Variants in CLPX observed in about 807,000 individuals in gnomAD.
The protein encoded by CLPX is caseinolytic mitochondrial matrix peptidase chaperone subunit X, also known as ATP-dependent clpX-like chaperone, mitochondrial.
In CLPX, 34 loss-of-function variants were observed where a neutral mutation model predicts 76.4. The observed-to-expected ratio is 0.45, with a 90% CI of 0.34 to 0.59. The LOEUF (loss-of-function observed/expected upper bound fraction) is 0.59, where lower values mean the gene tolerates loss of function less well. CLPX is among the 20% of genes least tolerant of loss of function. The pLI is 0.01. For missense variants in CLPX, 613 were observed against 757.0 expected (o/e 0.81, Z 2.23); for synonymous variants, 248 against 270.9 (o/e 0.92, Z 0.83).
chr15:65,151,040 A>G (rs2087712480), intron 13 of CLPX, 127 bp from the exon 14 acceptor site: 2 of 616,586 alleles, frequency 3.2e-6, no homozygotes, highest in Non-Finnish European at 5.6e-6. Context: ...TATTAGGAGC[A>G]CTTTTAATAT....
Position 65,185,187 on chromosome 15 carries a change from G to C in CLPX, c.-34C>G, listed in dbSNP as rs1019959610. On this transcript the variant is annotated 5_prime_UTR_variant, in exon 1 of 14. Transcript: ENST00000300107. ...GGCCTAGGCCGGGGCTTCGCCCCCT[G>C]AGGACCTCCGGGTCACAGCGGCGTG... 2.6e-6 allele frequency: 4 copies of C among 1,526,488 alleles called. No homozygotes were observed. In the African/African-American group the frequency reaches 4.1e-5, roughly 16 times the overall value. 94.6% of individuals were successfully genotyped at this position (1,526,488 alleles called of 1,614,324 possible).
At chr15:65,180,544 ATAT>A (rs2088152524) in intron 1 of CLPX, among the ~76,000 whole-genome samples, 2 of 151,234 alleles carry the variant, frequency 1.3e-5, no homozygotes, top group South Asian at 4.2e-4. Flanking sequence ...TTTATGCCCT[ATAT>A]TCTTATTATT....
chr15:65,162,309 A>G (rs964302823), intron 6 of CLPX, among the ~76,000 whole-genome samples: 4 of 152,208 alleles, frequency 2.6e-5, no homozygotes, highest in South Asian at 2.1e-4. Flanking sequence ...GTAGCTAGAA[A>G]ATAATCTGCC....
chr15:65,160,623 T>TCTCTCACACACACACACA (rs1219208926), intron 6 of CLPX, among the ~76,000 whole-genome samples: 6 of 101,026 alleles, frequency 5.9e-5, no homozygotes, highest in African/African-American at 1.5e-4. Flanking sequence ...TCTCTCTCTC[T>TCTCTCACACACACACACA]CACACACACA....
intron 6 of CLPX, among the ~76,000 whole-genome samples, chr15:65,160,623 T>TCTCTCACACACATACACA (rs1219208926): frequency 2.0e-5 from 2 of 100,970 alleles, no homozygotes; most frequent in African/African-American, 3.8e-5. Flanking sequence ...TCTCTCTCTC[T>TCTCTCACACACATACACA]CACACACACA....
At chr15:65,165,839 C>A (rs962427332) in intron 4 of CLPX, among the ~76,000 whole-genome samples, 1 of 152,132 alleles carries the variant, frequency 6.6e-6, no homozygotes, top group Admixed American at 6.5e-5. Flanking sequence ...TTATTCCTTA[C>A]AAATTATACC....
At chr15:65,171,330 C>T (rs2088003128) in intron 3 of CLPX, among the ~76,000 whole-genome samples, 1 of 151,720 alleles carries the variant, frequency 6.6e-6, no homozygotes, top group South Asian at 2.1e-4. Context: ...GCCTGTAATC[C>T]TAGCAACTGG....
rs2087697889 is a variant in CLPX at position 65,149,852 on chromosome 15, C to G, written c.*971G>C. ...TTCAGCTTGGGACAGCGTGAGACTC[C>G]GCTCAATTAAAAAAAAAAAAAAAAA... On this transcript the variant is annotated 3_prime_UTR_variant, in exon 14 of 14. Coordinates refer to ENST00000300107, the MANE Select transcript of CLPX (RefSeq NM_006660.5). 8.3e-6 allele frequency: 1 copy of G among 120,564 alleles called. No individual in the cohort carries two copies. Among genetic ancestry groups the G allele is most frequent in the Non-Finnish European group, 1.7e-5 (1 of 57,728 alleles). The allele number at this position is 120,564 out of a possible 1,614,324, so 7.5% of individuals were successfully genotyped here.
At chr15:65,161,551 A>G (rs1295856268) in intron 6 of CLPX, among the ~76,000 whole-genome samples, 3 of 152,230 alleles carry the variant, frequency 2.0e-5, no homozygotes, top group African/African-American at 4.8e-5. Flanking sequence ...TAACATTTAA[A>G]TAACATTAAA....
At chr15:65,159,004 G>A (rs1250945970) in intron 6 of CLPX, among the ~76,000 whole-genome samples, 4 of 152,088 alleles carry the variant, frequency 2.6e-5, no homozygotes, top group African/African-American at 7.2e-5. Context: ...AAATATGTAA[G>A]AATACTCCTT....
intron 1 of CLPX, 35 bp downstream of exon 1, chr15:65,185,040 A>G: frequency 4.2e-6 from 5 of 1,204,340 alleles, no homozygotes; most frequent in Non-Finnish European, 5.8e-6. Flanking sequence ...CCCCCCCGAC[A>G]GGCTGAGGGC....
chr15:65,184,679 C>T (rs1430828312), intron 1 of CLPX, among the ~76,000 whole-genome samples: 1 of 152,234 alleles, frequency 6.6e-6, no homozygotes, highest in Non-Finnish European at 1.5e-5. Context: ...GAGGGGGATC[C>T]CGGCCAGGCT....
At chr15:65,166,489 AT>A in intron 4 of CLPX, 141 bp downstream of exon 4, 1 of 857,242 alleles carries the variant, frequency 1.2e-6, no homozygotes. Context: ...GGCAATAACA[AT>A]TTAGCCACAT....
intron 10 of CLPX, 117 bp from the exon 11 acceptor site, chr15:65,155,198 T>C (rs920175280): frequency 2.2e-6 from 2 of 926,706 alleles, no homozygotes; most frequent in South Asian, 1.8e-5. Context: ...GGTTTTATTA[T>C]CATTTACATT....
Position 65,168,537 on chromosome 15 carries a change from G to A in CLPX, c.359-1752C>T, listed in dbSNP as rs1381155653. On this transcript the variant is annotated intron_variant, in intron 3 of 13. Transcript: ENST00000300107. ...ACCGCATGTTCTCACTCATAGATGG[G>A]AACTGAACAATGAGAACACTTGGAC... 2.2e-5 allele frequency among the ~76,000 whole-genome samples: 3 copies of A among 138,602 alleles called. No individual in the cohort carries two copies. The East Asian group carries it at 6.4e-4, about 29-fold the overall frequency. 90.9% of individuals were successfully genotyped at this position (138,602 alleles called of 152,430 possible).
intron 2 of CLPX, among the ~76,000 whole-genome samples, chr15:65,179,516 A>G (rs1030589034): frequency 3.3e-5 from 5 of 152,224 alleles, no homozygotes; most frequent in African/African-American, 1.2e-4. Context: ...TTTGTCTAAC[A>G]TATAAAATTA....
chr15:65,150,857 C>T lies in CLPX; in HGVS notation c.1868G>A (p.Gly623Glu), dbSNP rs1269688101. ...TGCAGCATCTGCTTGGCGGGGCCAT[C>T]CTTCTTCTTCAACTCCAGAGTCATA... is the stretch of plus-strand genomic sequence containing the variant. The part of the protein sequence containing the change: ...EEYDSGVEEE[G>E]WPRQADAANS The change falls in exon 14 of 14, where the codon GGA becomes GAA. Residue 623 changes from glycine (G) to glutamate (E), a missense_variant. Physicochemically the swap from Gly to Glu is moderately conservative, Grantham distance 98 (BLOSUM62 -2). Around this residue, in one of 2 missense-constraint regions of CLPX, gnomAD observed 450 missense variants for 638.6 expected, o/e 0.70. Transcript: ENST00000300107. 6.2e-7 allele frequency: 1 copy of T among 1,613,290 alleles called. No homozygotes were observed. Among genetic ancestry groups the T allele is most frequent in the Non-Finnish European group, 8.5e-7 (1 of 1,179,628 alleles).
intron 6 of CLPX, among the ~76,000 whole-genome samples, chr15:65,160,621 TCTCA>T (rs66715709): frequency 0.21 from 26,193 of 125,030 alleles, 1,984 homozygotes; most frequent in South Asian, 0.3. Context: ...TCTCTCTCTC[TCTCA>T]CACACACACA....
chr15:65,170,340 AT>A (rs544427836), intron 3 of CLPX, among the ~76,000 whole-genome samples: 1 of 151,866 alleles, frequency 6.6e-6, no homozygotes, highest in Non-Finnish European at 1.5e-5. Flanking sequence ...AATTCATGGA[AT>A]TTTTTTTCCT....
Sources: gnomAD v4.1 joint callset for allele counts (sites outside exome capture counted in the v4.1 genomes callset) on GRCh38, gnomAD v4.1.1 for gene constraint, gnomAD v4.1.1 regional missense constraint, MANE v1.5 for transcripts, NCBI Gene and HGNC (gene_info 2026-07-23, HGNC 2026-07-21) for gene names.